The following PCDH15 variants were observed in gnomAD, a reference collection of about 807,000 sequenced individuals.
PCDH15 encodes protocadherin-15.
PCDH15 carries 129 observed loss-of-function variants against 178.5 expected under a neutral mutation model. The ratio of observed to expected loss-of-function variants is 0.72; its 90% CI spans 0.63 to 0.84. PCDH15 has a LOEUF of 0.84. PCDH15 is among the 40% of genes least tolerant of loss of function. PCDH15 has a pLI of 0.00. For synonymous variants in PCDH15, 800 were observed against 732.0 expected (o/e 1.09, Z -1.50); for missense variants, 2,230 against 2,099.9 (o/e 1.06, Z -1.21).
intron 2 of PCDH15, among the ~76,000 whole-genome samples, chr10:55,072,083 A>G (rs4293041): frequency 0.56 from 84,640 of 151,772 alleles, 24,068 homozygotes; most frequent in East Asian, 0.75. Context: ...GAATCTCTGG[A>G]ACACATTCAA....
chr10:55,489,637 C>T (rs1249384948), intron 2 of PCDH15, among the ~76,000 whole-genome samples: 1 of 151,552 alleles, frequency 6.6e-6, no homozygotes, highest in Non-Finnish European at 1.5e-5. Context: ...TAGTTAACAT[C>T]GAGTATTGCT....
chr10:54,398,149 G>T (rs1481298003), intron 3 of PCDH15, among the ~76,000 whole-genome samples: 1 of 151,122 alleles, frequency 6.6e-6, no homozygotes, highest in Non-Finnish European at 1.5e-5. Flanking sequence ...CTTTATTTTT[G>T]CCTGTCTTTA....
chr10:54,547,646 A>T (rs971594610), intron 2 of PCDH15, among the ~76,000 whole-genome samples: 1 of 152,164 alleles, frequency 6.6e-6, no homozygotes, highest in African/African-American at 2.4e-5. Flanking sequence ...GTATTCCATT[A>T]TATAACTGGA....
intron 2 of PCDH15, among the ~76,000 whole-genome samples, chr10:54,910,058 A>C (rs1466393643): frequency 6.6e-6 from 1 of 152,146 alleles, no homozygotes; most frequent in Non-Finnish European, 1.5e-5. Flanking sequence ...GCCTGGGAGA[A>C]GTCCTGCCCA....
chr10:53,930,712 G>T (rs2084984248), intron 25 of PCDH15, among the ~76,000 whole-genome samples: 1 of 152,024 alleles, frequency 6.6e-6, no homozygotes, highest in Non-Finnish European at 1.5e-5. Flanking sequence ...AGGCCTCCTT[G>T]CTCCTCCCCA....
rs557795198 is a variant in PCDH15 at position 55,280,766 on chromosome 10, C to A, written c.-156+38833G>T. On this transcript the variant is annotated intron_variant, in intron 1 of 5. Transcript: ENST00000458638. Reference sequence around the variant, plus strand: ...AAACTAAGATTTATTTTATCTCTCTCTAGTTAAATTCACATTTATAAATTG... The same window carrying A: ...AAACTAAGATTTATTTTATCTCTCTATAGTTAAATTCACATTTATAAATTG... Among the ~76,000 whole-genome samples, 3 of 152,130 alleles carry A rather than the reference C, an allele frequency of 2.0e-5. No individual in the cohort carries two copies. The South Asian group carries it at 6.2e-4, about 32-fold the overall frequency.
chr10:54,239,739 T>C lies in PCDH15; in HGVS notation c.877-2808A>G, dbSNP rs553225867. The stretch of plus-strand genomic sequence containing the variant: ...AAAGAAATGGTGTGGTTTAAATAAC[T>C]TATCAGAATTGACATTTTATCTTGT... On this transcript the variant is annotated intron_variant, in intron 8 of 37. Transcript: ENST00000644397. Among the ~76,000 whole-genome samples, 7 of 152,218 alleles carry C rather than the reference T, an allele frequency of 4.6e-5. No individual in the cohort carries two copies. The East Asian group carries it at 1.4e-3, about 29-fold the overall frequency.
rs138059096 is a variant in PCDH15, at chr10:53,806,799, G to A, written c.5003C>T (p.Pro1668Leu). 3.1e-6 allele frequency: 5 copies of A among 1,613,708 alleles called. No homozygotes were observed. Among genetic ancestry groups the A allele is most frequent in the Non-Finnish European group, 4.2e-6 (5 of 1,179,796 alleles). The change falls in exon 38 of 38, where the codon CCA becomes CTA. Residue 1668 changes from proline (P) to leucine (L), a missense_variant. Transcript: ENST00000644397. ...PFSTEKMNARPTLVTFAPCPV... is the reference protein window; with the variant it reads ...PFSTEKMNARLTLVTFAPCPV... ...GCAAGGGGCAAATGTAACCAGAGTT[G>A]GTCTTGCATTCATTTTTTCAGTAGA...
At chr10:54,886,583 A>C (rs1472646864) in intron 3 of PCDH15, among the ~76,000 whole-genome samples, 1 of 152,172 alleles carries the variant, frequency 6.6e-6, no homozygotes. Flanking sequence ...CCAACGTGGT[A>C]AAACCACATC....
intron 2 of PCDH15, among the ~76,000 whole-genome samples, chr10:55,610,033 T>A (rs974318686): frequency 2.6e-5 from 4 of 152,070 alleles, no homozygotes; most frequent in Non-Finnish European, 1.5e-5. Context: ...GATTTTATAC[T>A]GAAAACTTCC....
rs1314120789 is a variant in PCDH15, at chr10:55,384,838, T to C, written c.-155-218187A>G. 3.3e-5 allele frequency among the ~76,000 whole-genome samples: 5 copies of C among 152,146 alleles called. No individual in the cohort carries two copies. The East Asian group carries it at 9.6e-4, about 29-fold the overall frequency. ...ACACCTACTGTGGATCAAAGACTTT[T>C]TCTGAGATTTTTGAAATTTTATTTA... On this transcript the variant is annotated intron_variant, in intron 2 of 5. Transcript: ENST00000613346.
At chr10:54,479,629 G>T (rs1040060567) in intron 3 of PCDH15, among the ~76,000 whole-genome samples, 3 of 151,742 alleles carry the variant, frequency 2.0e-5, no homozygotes, top group African/African-American at 7.3e-5. Context: ...ATGTTTTTTG[G>T]TGAAATTACT....
intron 8 of PCDH15, among the ~76,000 whole-genome samples, chr10:54,269,196 T>C (rs16905852): frequency 0.022 from 3,408 of 152,034 alleles, 142 homozygotes; most frequent in African/African-American, 0.077. Context: ...GTGAAGGTGA[T>C]TGATAAATGA....
At chr10:55,603,035 G>C (rs1388323720) in intron 2 of PCDH15, among the ~76,000 whole-genome samples, 1 of 152,152 alleles carries the variant, frequency 6.6e-6, no homozygotes, top group East Asian at 1.9e-4. Flanking sequence ...ATACAGAGAA[G>C]TGCTTAAAGG....
chr10:53,883,244 G>A (rs553181289), intron 26 of PCDH15, among the ~76,000 whole-genome samples: 1 of 152,052 alleles, frequency 6.6e-6, no homozygotes, highest in South Asian at 2.1e-4. Flanking sequence ...AGCAAACTAG[G>A]ATCATGCCAT....
chr10:55,476,987 C>T (rs186213894), intron 2 of PCDH15, among the ~76,000 whole-genome samples: 289 of 151,812 alleles, frequency 1.9e-3, no homozygotes, highest in Admixed American at 3.4e-3. Context: ...GATACTTCTT[C>T]GACAAATAAA....
intron 18 of PCDH15, among the ~76,000 whole-genome samples, chr10:54,052,184 G>A (rs2093790413): frequency 6.6e-6 from 1 of 152,184 alleles, no homozygotes; most frequent in Non-Finnish European, 1.5e-5. Context: ...TCCCCACTGG[G>A]GCACTGCCTA....
chr10:54,434,869 A>T (rs1342016538), intron 3 of PCDH15, among the ~76,000 whole-genome samples: 2 of 152,190 alleles, frequency 1.3e-5, no homozygotes, highest in African/African-American at 4.8e-5. Context: ...TCTCACTAGT[A>T]ACTGCAATCA....
rs117669117 is a variant in PCDH15, at chr10:54,468,324, T to G, written c.157+59488A>C. 6.7e-3 allele frequency among the ~76,000 whole-genome samples: 1,019 copies of G among 152,176 alleles called. 7 individuals carry two copies. The highest frequency in any genetic ancestry group is 0.027 in the Middle Eastern group (8 of 294). On this transcript the variant is annotated intron_variant, in intron 3 of 37. Coordinates refer to ENST00000644397, the MANE Select transcript of PCDH15 (RefSeq NM_001384140.1). ...AAAAACTTTCCTCTTAGTATTGTTT[T>G]TTTTCTGAATACCATAGTTTTTGGT...
Sources: gnomAD v4.1 joint callset for allele counts (sites outside exome capture counted in the v4.1 genomes callset) on GRCh38, gnomAD v4.1.1 for gene constraint, MANE v1.5 for transcripts, NCBI Gene and HGNC (gene_info 2026-07-23, HGNC 2026-07-21) for gene names.